Variants in DOCK3 observed in about 807,000 individuals in gnomAD.
The protein encoded by DOCK3 is dedicator of cytokinesis protein 3.
A neutral mutation model predicts 265.6 loss-of-function variants in DOCK3; 60 were observed. The observed-to-expected ratio is 0.23, with a 90% CI of 0.18 to 0.28. The LOEUF is 0.28. DOCK3 is among the 10% of genes least tolerant of loss of function. The probability of loss-of-function intolerance (pLI) is 1.00; values close to 1 mark genes in which losing one functional copy is unlikely to be tolerated. For missense variants in DOCK3, 1,981 were observed against 2,594.3 expected (o/e 0.76, Z 5.14); for synonymous variants, 881 against 938.0 (o/e 0.94, Z 1.11).
intron 4 of DOCK3, among the ~76,000 whole-genome samples, chr3:50,920,184 A>G (rs2108020215): frequency 6.6e-6 from 1 of 152,274 alleles, no homozygotes; most frequent in East Asian, 1.9e-4. Flanking sequence ...ATCGATTTTC[A>G]TCAGGGATAT....
intron 5 of DOCK3, among the ~76,000 whole-genome samples, chr3:51,057,136 G>A (rs541042504): frequency 1.3e-5 from 2 of 152,306 alleles, no homozygotes; most frequent in East Asian, 3.9e-4. Flanking sequence ...TTTCCATACT[G>A]GGTTAAAAAT....
chr3:51,073,300 A>G (rs893586460), intron 6 of DOCK3, among the ~76,000 whole-genome samples: 1 of 117,942 alleles, frequency 8.5e-6, no homozygotes, highest in Non-Finnish European at 1.7e-5. Context: ...ATTTGAAATT[A>G]TATCTGCAAA....
At chr3:51,093,387 G>A (rs1355908181) in intron 9 of DOCK3, among the ~76,000 whole-genome samples, 1 of 152,084 alleles carries the variant, frequency 6.6e-6, no homozygotes, top group Non-Finnish European at 1.5e-5. Context: ...TCCATGCAGA[G>A]GTCCTTCACA....
chr3:50,903,284 A>G (rs898614175), intron 4 of DOCK3, among the ~76,000 whole-genome samples: 1 of 152,062 alleles, frequency 6.6e-6, no homozygotes, highest in African/African-American at 2.4e-5. Context: ...CCTTTTCAAT[A>G]TGATATTGGT....
In DOCK3 at chr3:50,702,323, T is replaced by C. The variant is rs961912379; in HGVS notation, c.37+27023T>C. Among the ~76,000 whole-genome samples, 6 of 152,128 alleles carry C rather than the reference T, an allele frequency of 3.9e-5. No homozygotes were observed. The East Asian group carries it at 1.2e-3, about 29-fold the overall frequency. On this transcript the variant is annotated intron_variant, in intron 1 of 52. Coordinates refer to ENST00000266037, the MANE Select transcript of DOCK3 (RefSeq NM_004947.5). The stretch of plus-strand genomic sequence containing the variant: ...TTCCTAGGTGTTTTATTTTTCTGTA[T>C]GTGTTTTAGCTGGTTCATTAGTGGC...
At chr3:50,732,956 CATTT>C (rs1327179244) in intron 1 of DOCK3, among the ~76,000 whole-genome samples, 4 of 152,028 alleles carry the variant, frequency 2.6e-5, no homozygotes, top group Non-Finnish European at 4.4e-5. Flanking sequence ...TCCTACCAGG[CATTT>C]ATTTATTAAT....
At chr3:51,016,065 TACATAATATATATCATATATTTCTAC>T (rs1410260428) in intron 5 of DOCK3, among the ~76,000 whole-genome samples, 1 of 14,568 alleles carries the variant, frequency 6.9e-5, no homozygotes, top group Non-Finnish European at 9.6e-5. Flanking sequence ...CATATATTTC[TACATAATATATATCATATATTTCTAC>T]ATATGATATA....
chr3:51,092,429 A>T (rs749185974), intron 9 of DOCK3, among the ~76,000 whole-genome samples: 7 of 152,180 alleles, frequency 4.6e-5, no homozygotes, highest in Non-Finnish European at 1.0e-4. Flanking sequence ...AGCCCACTGC[A>T]GCTCAGTAAG....
intron 9 of DOCK3, among the ~76,000 whole-genome samples, chr3:51,143,193 T>G (rs1172274572): frequency 3.3e-5 from 5 of 150,480 alleles, no homozygotes; most frequent in African/African-American, 1.2e-4. Flanking sequence ...GGCTGGTATA[T>G]TCATTCTTTA....
chr3:50,914,615 G>A lies in DOCK3; in HGVS notation c.219-19366G>A, dbSNP rs2050024824. Among the ~76,000 whole-genome samples, 3 of 152,106 alleles carry A rather than the reference G, an allele frequency of 2.0e-5. No homozygotes were observed. In the South Asian group the frequency reaches 6.2e-4, roughly 31 times the overall value. On this transcript the variant is annotated intron_variant, in intron 4 of 52. Transcript: ENST00000266037. ...GACTTGTGTTGTGGCCTAACATACA[G>A]TCTATTCTGGAGAATGTTTCATGTG...
chr3:51,126,846 A>G (rs2084287686), intron 9 of DOCK3, among the ~76,000 whole-genome samples: 1 of 152,160 alleles, frequency 6.6e-6, no homozygotes, highest in Non-Finnish European at 1.5e-5. Context: ...TTTGCTGTAC[A>G]GATTATTTCA....
chr3:51,180,225 A>AAAC (rs1553780900), intron 12 of DOCK3, among the ~76,000 whole-genome samples: 402 of 145,542 alleles, frequency 2.8e-3, no homozygotes, highest in Admixed American at 4.4e-3. Context: ...AAAAAAAAAA[A>AAAC]ACACACACAC....
At chr3:51,227,497 C>T (rs2090379882) in intron 16 of DOCK3, 52 bp downstream of exon 16, 1 of 1,603,952 alleles carries the variant, frequency 6.2e-7, no homozygotes, top group Non-Finnish European at 8.5e-7. Context: ...AAATATAACT[C>T]TCTCCTCTCT....
At chr3:50,848,658 T>A (rs1366617701) in intron 3 of DOCK3, among the ~76,000 whole-genome samples, 1 of 152,240 alleles carries the variant, frequency 6.6e-6, no homozygotes, top group East Asian at 1.9e-4. Context: ...AGAAGTCCAC[T>A]GTTATCTTGA....
intron 2 of DOCK3, among the ~76,000 whole-genome samples, chr3:50,834,988 C>A (rs999479022): frequency 2.0e-5 from 3 of 152,154 alleles, no homozygotes; most frequent in African/African-American, 7.2e-5. Context: ...AATCACTTTG[C>A]CCATAAGGTA....
intron 3 of DOCK3, among the ~76,000 whole-genome samples, chr3:50,872,333 ATT>A (rs1463224822): frequency 6.6e-6 from 1 of 152,230 alleles, no homozygotes; most frequent in African/African-American, 2.4e-5. Flanking sequence ...ATCTGGAAGA[ATT>A]CTCTGTATTA....
chr3:51,083,970 C>T (rs546455345), intron 7 of DOCK3, among the ~76,000 whole-genome samples: 8 of 151,958 alleles, frequency 5.3e-5, no homozygotes, highest in Admixed American at 3.9e-4. Flanking sequence ...GGCGACAGAG[C>T]GAGACTCCAT....
intron 7 of DOCK3, among the ~76,000 whole-genome samples, chr3:51,082,564 G>A (rs1274033148): frequency 6.6e-6 from 1 of 152,194 alleles, no homozygotes; most frequent in African/African-American, 2.4e-5. Context: ...GCTCCCTCCA[G>A]TGGCAGAGCC....
intron 6 of DOCK3, among the ~76,000 whole-genome samples, chr3:51,074,893 AC>A (rs1480424419): frequency 6.6e-6 from 1 of 152,146 alleles, no homozygotes; most frequent in Non-Finnish European, 1.5e-5. Flanking sequence ...AGAAAAAGAT[AC>A]ATCTCTTTGC....
Sources: gnomAD v4.1 joint callset for allele counts (sites outside exome capture counted in the v4.1 genomes callset) on GRCh38, gnomAD v4.1.1 for gene constraint, MANE v1.5 for transcripts, NCBI Gene and HGNC (gene_info 2026-07-23, HGNC 2026-07-21) for gene names.